Variants in GRM4 observed in about 807,000 individuals in gnomAD.
GRM4 encodes metabotropic glutamate receptor 4.
In GRM4, 28 loss-of-function variants were observed where a neutral mutation model predicts 81.7. That is an observed-to-expected ratio of 0.34 (90% CI 0.25 to 0.47). GRM4 has a LOEUF of 0.47. Among genes scored for constraint, GRM4 ranks in the 20% least tolerant of loss-of-function variants. The probability of loss-of-function intolerance (pLI) is 1.00; values close to 1 mark genes in which losing one functional copy is unlikely to be tolerated. For missense variants in GRM4, 948 were observed against 1,290.0 expected (o/e 0.73, Z 4.06); for synonymous variants, 488 against 528.8 (o/e 0.92, Z 1.06).
intron 2 of GRM4, chr6:34,103,676 A>G: frequency 6.5e-7 from 1 of 1,535,106 alleles, no homozygotes; most frequent in South Asian, 1.2e-5. Context: ...GAGGCCCAGC[A>G]AGGAGCCCCA....
intron 5 of GRM4, among the ~76,000 whole-genome samples, chr6:34,057,220 C>T (rs1460693902): frequency 6.6e-6 from 1 of 152,186 alleles, no homozygotes; most frequent in African/African-American, 2.4e-5. Flanking sequence ...TGCTCTCAGC[C>T]TTGGAAAGCC....
intron 6 of GRM4, among the ~76,000 whole-genome samples, chr6:34,053,547 G>A (rs953839918): frequency 1.3e-5 from 2 of 152,198 alleles, no homozygotes; most frequent in African/African-American, 2.4e-5. Context: ...GGAAGGATTC[G>A]GGTCAGCTGA....
rs1231611368 is a variant in GRM4, at chr6:34,111,940, A to C, written c.520-19841T>G. 2.6e-5 allele frequency among the ~76,000 whole-genome samples: 4 copies of C among 152,120 alleles called. No homozygotes were observed. The highest frequency in any genetic ancestry group is 9.7e-5 in the African/African-American group (4 of 41,406). ...TGTCCAGATCTTATTGAGGTTTCTC[A>C]ATAAGAAAAGGAGACTTGCCTGGAG... On this transcript the variant is annotated intron_variant, in intron 2 of 10. Transcript: ENST00000538487. This position sits in a 1 kb window ranked among gnomAD's most constrained non-coding sequence, Gnocchi z 5.1.
upstream of GRM4, among the ~76,000 whole-genome samples, chr6:34,147,051 G>A (rs143046928): frequency 4.6e-5 from 7 of 152,314 alleles, no homozygotes; most frequent in African/African-American, 1.2e-4. Context: ...GAACGGTAGC[G>A]TAAGCTCAAG....
At chr6:34,077,299 A>T (rs34766111) in intron 3 of GRM4, among the ~76,000 whole-genome samples, 9,301 of 152,094 alleles carry the variant, frequency 0.061, 650 homozygotes, top group African/African-American at 0.17. Context: ...GCTCTCACAC[A>T]TTCTGCCCAG....
intron 2 of GRM4, chr6:34,103,640 C>G (rs759741837): frequency 6.5e-7 from 1 of 1,535,302 alleles, no homozygotes; most frequent in African/African-American, 1.4e-5. Flanking sequence ...TGGGGGAGGC[C>G]GGGAGGAGCC....
At chr6:34,112,772 A>G (rs1461354497) in intron 2 of GRM4, among the ~76,000 whole-genome samples, 1 of 151,962 alleles carries the variant, frequency 6.6e-6, no homozygotes, top group African/African-American at 2.4e-5. Context: ...CCTGGGGCTC[A>G]GGGCATGAAA....
upstream of GRM4, among the ~76,000 whole-genome samples, chr6:34,149,673 T>C (rs796447601): frequency 5.3e-5 from 8 of 152,280 alleles, 1 homozygote; most frequent in African/African-American, 1.9e-4. Context: ...CAGGTATGAG[T>C]GACACCTTTG....
chr6:34,028,155 G>C lies in GRM4; in HGVS notation c.2654C>G (p.Ala885Gly), dbSNP rs1562006907. 6.2e-7 allele frequency: 1 copy of C among 1,613,904 alleles called. No homozygotes were observed. Among genetic ancestry groups the C allele is most frequent in the Non-Finnish European group, 8.5e-7 (1 of 1,179,942 alleles). ...AAGGTTCTCGCAGAGCTCAGACTTG[G>C]CCTCTCCGTTGGGCCGGAAGTTGCC... ...QKGNFRPNGE[A>G]KSELCENLEA... The change falls in exon 10 of 11, where the codon GCC (alanine) becomes GGC (glycine). Residue 885 changes from alanine to glycine, a missense_variant. By Grantham distance (60) the Ala-to-Gly change is moderately conservative. Transcript: ENST00000538487.
chr6:34,124,081 A>G (rs1290995844), intron 2 of GRM4, among the ~76,000 whole-genome samples: 1 of 152,198 alleles, frequency 6.6e-6, no homozygotes, highest in East Asian at 1.9e-4. Flanking sequence ...AGGTGAGGAA[A>G]CAGGGGTCCC....
intron 2 of GRM4, among the ~76,000 whole-genome samples, chr6:34,113,633 C>A (rs1488963755): frequency 1.3e-5 from 2 of 152,086 alleles, no homozygotes; most frequent in East Asian, 1.9e-4. Flanking sequence ...ACTGCCCAGC[C>A]CTCTGGAAGT....
Position 34,036,512 on chromosome 6 carries a change from A to G in GRM4, c.1598T>C (p.Val533Ala). 6.2e-7 allele frequency: 1 copy of G among 1,612,542 alleles called. No individual in the cohort carries two copies. Among genetic ancestry groups the G allele is most frequent in the Non-Finnish European group, 8.5e-7 (1 of 1,179,430 alleles). The change falls in exon 9 of 11, where the codon GTG becomes GCG. Residue 533 changes from valine (V) to alanine (A), a missense_variant. Coordinates refer to ENST00000538487, the MANE Select transcript of GRM4 (RefSeq NM_000841.4). This position sits in a 1 kb window ranked among gnomAD's most constrained non-coding sequence, Gnocchi z 9.0. ...PCQPGERKKT[V>A]KGMPCCWHCE... ...GTGCCAGCAGCAAGGCATGCCCTTC[A>G]CTGTCTTCTTCCGCTCACCCGGTTG...
At chr6:34,113,554 G>T (rs1277412665) in intron 2 of GRM4, among the ~76,000 whole-genome samples, 1 of 152,182 alleles carries the variant, frequency 6.6e-6, no homozygotes, top group Non-Finnish European at 1.5e-5. Context: ...GTAGCTGGAG[G>T]TCCCAGCTTG....
intron 1 of GRM4, among the ~76,000 whole-genome samples, chr6:34,142,429 T>C (rs927931767): frequency 1.8e-4 from 28 of 152,092 alleles, no homozygotes; most frequent in African/African-American, 6.8e-4. Flanking sequence ...GGGTGGGTGG[T>C]AATTAGAGGC....
At chr6:34,122,816 C>T (rs528978233) in intron 2 of GRM4, among the ~76,000 whole-genome samples, 13 of 152,338 alleles carry the variant, frequency 8.5e-5, no homozygotes, top group African/African-American at 3.1e-4. Flanking sequence ...CAGCCCAATC[C>T]TGCCCTCAAG....
upstream of GRM4, among the ~76,000 whole-genome samples, chr6:34,147,026 C>T (rs1279603207): frequency 6.6e-6 from 1 of 152,186 alleles, no homozygotes; most frequent in Admixed American, 6.5e-5. Context: ...GGCCATGGAG[C>T]CTGGCACCAT....
In GRM4 at chr6:34,028,308, A is replaced by G; in HGVS notation, c.2501T>C (p.Leu834Pro). 1.2e-6 allele frequency: 2 copies of G among 1,613,336 alleles called. No individual in the cohort carries two copies. The highest frequency in any genetic ancestry group is 1.7e-6 in the Non-Finnish European group (2 of 1,179,926). ...GACTTTGGGCATGTAGAGCATTCCC[A>G]GGGACACCGAGGCGCTCAGACTCAC... is the stretch of plus-strand genomic sequence containing the variant. Reference protein sequence around the residue: ...VSVSLSASVSLGMLYMPKVYI... With the variant: ...VSVSLSASVSPGMLYMPKVYI... Residue 834 changes from leucine to proline, a missense_variant, in exon 10 of 11, where the codon CTG becomes CCG. Leu to Pro is a moderately conservative substitution (Grantham distance 98). Transcript: ENST00000538487.
chr6:34,061,799 G>A, intron 4 of GRM4, 94 bp downstream of exon 4: 1 of 1,369,956 alleles, frequency 7.3e-7, no homozygotes, highest in Admixed American at 1.9e-5. Flanking sequence ...GTGGGGTCAG[G>A]CTCGCCTGGG....
At position 34,035,805 on chromosome 6, in the gene GRM4, C is replaced by T. The variant is rs780548540; in HGVS notation, c.2305G>A (p.Val769Met). The T allele has an allele frequency of 5.3e-5, 85 of 1,613,730 alleles. No homozygotes were observed. The East Asian group carries it at 8.9e-4, about 17-fold the overall frequency. Residue 769 changes from valine (V) to methionine (M), a missense_variant, in exon 9 of 11, where the codon GTG (valine) becomes ATG (methionine). Val to Met is a conservative substitution (Grantham distance 21, BLOSUM62 1). Transcript: ENST00000538487. This position sits in a 1 kb window ranked among gnomAD's most constrained non-coding sequence, Gnocchi z 6.6. ...ACGCCGCGTGTCTTGATGGCATACA[C>T]GGTGCACGTGACCATGAGCAGCATG... Reference protein sequence around the residue: ...YSMLLMVTCTVYAIKTRGVPE... With the variant: ...YSMLLMVTCTMYAIKTRGVPE...
Sources: gnomAD v4.1 joint callset for allele counts (sites outside exome capture counted in the v4.1 genomes callset) on GRCh38, gnomAD v4.1.1 for gene constraint, Gnocchi (gnomAD v3.1) non-coding constraint, MANE v1.5 for transcripts, NCBI Gene and HGNC (gene_info 2026-07-23, HGNC 2026-07-21) for gene names.